NRP2: variants seen among roughly 807,000 people sequenced by gnomAD.
NRP2 encodes the protein neuropilin 2.
In NRP2, 52 loss-of-function variants were observed where a neutral mutation model predicts 110.4. That is an observed-to-expected ratio of 0.47 (90% confidence interval 0.38 to 0.59). The LOEUF is 0.59. Among genes scored for constraint, NRP2 ranks in the 20% least tolerant of loss-of-function variants. The probability of loss-of-function intolerance (pLI) is 0.00; values close to 1 mark genes in which losing one functional copy is unlikely to be tolerated. For synonymous variants in NRP2, 508 were observed against 468.9 expected (o/e 1.08, Z -1.08); for missense variants, 1,049 against 1,203.0 (o/e 0.87, Z 1.89).
chr2:205,784,103 C>T lies in NRP2; in HGVS notation c.2426-8132C>T, dbSNP rs374319856. Among the ~76,000 whole-genome samples the T allele has an allele frequency of 6.6e-5, 10 of 152,244 alleles. No individual in the cohort carries two copies. In the East Asian group the frequency reaches 1.4e-3, roughly 21 times the overall value. ...ACGAACATTCCCCAAAACAAAGGCT[C>T]TGCTCCAGAATTGGAATGATAGTAT... is the stretch of plus-strand genomic sequence containing the variant. On this transcript the variant is annotated intron_variant, in intron 15 of 16. Transcript: ENST00000357785.
intron 15 of NRP2, chr2:205,776,134 C>T: frequency 9.3e-7 from 1 of 1,071,458 alleles, no homozygotes; most frequent in Non-Finnish European, 1.4e-6. Context: ...TCCCCCAGAC[C>T]CTTCCCTGTA....
chr2:205,791,061 A>G (rs145085447), intron 15 of NRP2, among the ~76,000 whole-genome samples: 49 of 152,320 alleles, frequency 3.2e-4, no homozygotes, highest in Non-Finnish European at 6.6e-4. Flanking sequence ...GAAAAGACTG[A>G]ATTTCAAATG....
intron 1 of NRP2, among the ~76,000 whole-genome samples, chr2:205,696,313 G>A (rs2056424992): frequency 6.6e-6 from 1 of 152,160 alleles, no homozygotes; most frequent in African/African-American, 2.4e-5. Flanking sequence ...GAACACAGGA[G>A]AAAGACCCAT....
chr2:205,766,518 C>A (rs1200758153), intron 14 of NRP2, among the ~76,000 whole-genome samples: 3 of 152,132 alleles, frequency 2.0e-5, no homozygotes, highest in African/African-American at 7.2e-5. Context: ...GATTACAATA[C>A]TTTAGGGACC....
rs187847892 is a variant in NRP2 at position 205,728,183 on chromosome 2, G to A, written c.1146+137G>A. 7.7e-4 allele frequency: 788 copies of A among 1,029,182 alleles called. 3 individuals carry two copies. Among genetic ancestry groups the A allele is most frequent in the Non-Finnish European group, 1.0e-3 (689 of 674,014 alleles). 63.8% of individuals were successfully genotyped at this position (1,029,182 alleles called of 1,614,324 possible). A position where few individuals can be genotyped will look rare whatever the true frequency, so the allele number is the denominator to read the frequency against. ...CAGATAATTGATGGAGGCAAGGGTC[G>A]TGCTGGCCTTGAAAATCTTCTCTCT... On this transcript the variant is annotated intron_variant, in intron 7 of 16. Coordinates refer to ENST00000357785, the MANE Select transcript of NRP2 (RefSeq NM_003872.3).
In NRP2 at chr2:205,797,068, C is replaced by T. The variant is rs1237499473; in HGVS notation, c.*2010C>T. ...TGCTGCTTTGAGTTCTCTGTATCTACTGTGTATGTGAATGGTCATGTGGGA... is the reference window on the plus strand; with the variant it reads ...TGCTGCTTTGAGTTCTCTGTATCTATTGTGTATGTGAATGGTCATGTGGGA... On this transcript the variant is annotated 3_prime_UTR_variant, in exon 17 of 17. Transcript: ENST00000357785. The T allele has an allele frequency of 6.6e-6, 1 of 152,648 alleles. No homozygotes were observed. The highest frequency in any genetic ancestry group is 2.4e-5 in the African/African-American group (1 of 41,418). The allele number at this position is 152,648 out of a possible 1,614,324, so 9.5% of individuals were successfully genotyped here.
Position 205,797,842 on chromosome 2 carries a change from T to C in NRP2, c.*2784T>C, listed in dbSNP as rs1435799394. The C allele has an allele frequency of 3.9e-5, 6 of 152,756 alleles. No individual in the cohort carries two copies. Among genetic ancestry groups the C allele is most frequent in the African/African-American group, 9.6e-5 (4 of 41,458 alleles). 9.5% of individuals were successfully genotyped at this position (152,756 alleles called of 1,614,324 possible). A position where few individuals can be genotyped will look rare whatever the true frequency, so the allele number is the denominator to read the frequency against. ...GTGGTCAACAGGGCCACAGGGTTGC[T>C]TTCTGTCTTTGGTGGGGCAGGGGAG... On this transcript the variant is annotated 3_prime_UTR_variant, in exon 17 of 17. Coordinates refer to ENST00000357785, the MANE Select transcript of NRP2 (RefSeq NM_003872.3).
At chr2:205,727,422 T>C (rs1019358408) in intron 6 of NRP2, among the ~76,000 whole-genome samples, 3 of 152,154 alleles carry the variant, frequency 2.0e-5, no homozygotes, top group Admixed American at 6.5e-5. Flanking sequence ...AAATACACAA[T>C]GGAGCGAGAG....
rs776157227 is a variant in NRP2, at chr2:205,743,401, C to T, written c.1490C>T (p.Thr497Ile). 5 of 1,614,136 alleles carry T rather than the reference C, an allele frequency of 3.1e-6. No individual in the cohort carries two copies. Among genetic ancestry groups the T allele is most frequent in the Admixed American group, 3.3e-5 (2 of 60,014 alleles). ...CAGGTAGATCTGGGAACACCCAAGA[C>T]AGTGAAAGGTGTCATCATCCAGGGA... ...WLQVDLGTPK[T>I]VKGVIIQGAR... The change falls in exon 9 of 17, where the codon ACA (threonine) becomes ATA (isoleucine). Residue 497 changes from threonine to isoleucine, a missense_variant. Coordinates refer to ENST00000357785, the MANE Select transcript of NRP2 (RefSeq NM_003872.3).
chr2:205,749,693 G>A (rs766650922), intron 10 of NRP2, 32 bp from the exon 11 acceptor site: 8 of 1,568,040 alleles, frequency 5.1e-6, no homozygotes, highest in Admixed American at 1.7e-5. Flanking sequence ...GGCTGCTACA[G>A]CATTCTCTTA....
intron 1 of NRP2, among the ~76,000 whole-genome samples, chr2:205,693,524 G>GA (rs894523863): frequency 2.9e-4 from 42 of 143,416 alleles, no homozygotes; most frequent in African/African-American, 3.6e-4. Flanking sequence ...TTTTGTTCAA[G>GA]AAAAAAAAAA....
intron 12 of NRP2, among the ~76,000 whole-genome samples, chr2:205,757,576 G>A (rs1200857368): frequency 1.3e-5 from 2 of 152,172 alleles, no homozygotes; most frequent in African/African-American, 4.8e-5. Flanking sequence ...GAATTGAAAA[G>A]CAACTCTGAG....
chr2:205,754,126 C>T (rs191935328), intron 12 of NRP2, among the ~76,000 whole-genome samples: 1 of 152,356 alleles, frequency 6.6e-6, no homozygotes, highest in East Asian at 1.9e-4. Flanking sequence ...TTCTCCTGTA[C>T]TTCTGGCCTG....
chr2:205,729,938 G>A (rs767218848), intron 7 of NRP2, among the ~76,000 whole-genome samples: 1 of 152,172 alleles, frequency 6.6e-6, no homozygotes, highest in Non-Finnish European at 1.5e-5. Flanking sequence ...GGTAACTTGA[G>A]AGTTTTTTTG....
Position 205,727,911 on chromosome 2 carries a change from C to A in NRP2, c.1011C>A (p.Thr337=). 1 of 1,613,800 alleles carries A rather than the reference C, an allele frequency of 6.2e-7. No homozygotes were observed. Among genetic ancestry groups the A allele is most frequent in the South Asian group, 1.1e-5 (1 of 90,936 alleles). The stretch of plus-strand genomic sequence containing the variant: ...CCCAGGTGGACCTGCGCTTTTTAAC[C>A]ATGCTCACGGCCATCGCAACACAGG... ...EYLQVDLRFL[T]MLTAIATQGA... The change falls in exon 7 of 17, where the codon ACC becomes ACA. Residue 337 remains threonine (T), a synonymous_variant. Transcript: ENST00000357785.
chr2:205,755,453 G>C (rs552794890), intron 12 of NRP2, among the ~76,000 whole-genome samples: 152 of 152,260 alleles, frequency 1.0e-3, no homozygotes, highest in African/African-American at 3.5e-3. Context: ...TCATAATATT[G>C]TTCTCAGAGC....
rs1190601745 is a variant in NRP2 at position 205,794,950 on chromosome 2, C to G, written c.2673C>G (p.Gly891=). ...TCTACTGCACCTGTTCCTACTCGGG[C>G]CTGAGCTCCCGAAGCTGCACCACAC... The part of the protein sequence containing the change: ...LLLYCTCSYS[G]LSSRSCTTLE... Residue 891 remains glycine (G), a synonymous_variant, in exon 17 of 17, where the codon GGC becomes GGG. Transcript: ENST00000357785. 1 of 1,614,148 alleles carries G rather than the reference C, an allele frequency of 6.2e-7. No individual in the cohort carries two copies. The highest frequency in any genetic ancestry group is 8.5e-7 in the Non-Finnish European group (1 of 1,180,032).
intron 10 of NRP2, 170 bp from the exon 11 acceptor site, chr2:205,749,555 A>T: frequency 1.6e-6 from 1 of 612,794 alleles, no homozygotes; most frequent in South Asian, 1.8e-5. Context: ...TTCTCATTCT[A>T]CTATGGTGAT....
intron 15 of NRP2, 142 bp downstream of exon 15, chr2:205,766,945 T>C (rs56396893): frequency 0.028 from 19,879 of 720,370 alleles, 336 homozygotes; most frequent in Middle Eastern, 0.04. Context: ...TTCCTGCCGC[T>C]AGATGGCACT....
Sources: gnomAD v4.1 joint callset for allele counts (sites outside exome capture counted in the v4.1 genomes callset) on GRCh38, gnomAD v4.1.1 for gene constraint, MANE v1.5 for transcripts, NCBI Gene and HGNC (gene_info 2026-07-23, HGNC 2026-07-21) for gene names.